Variants in WDTC1 observed in about 807,000 individuals in gnomAD.
The protein encoded by WDTC1 is WD and tetratricopeptide repeats 1, also known as WD and tetratricopeptide repeats protein 1.
In WDTC1, 12 loss-of-function variants were observed where a neutral mutation model predicts 76.0. The observed-to-expected ratio is 0.16, with a 90% CI of 0.10 to 0.26. The LOEUF (loss-of-function observed/expected upper bound fraction) is 0.26, where lower values mean the gene tolerates loss of function less well. Ranked by LOEUF, WDTC1 falls within the 10% of genes least tolerant of loss-of-function variation. The probability of loss-of-function intolerance (pLI) is 1.00; values close to 1 mark genes in which losing one functional copy is unlikely to be tolerated. For synonymous variants in WDTC1, 326 were observed against 350.8 expected (o/e 0.93, Z 0.79); for missense variants, 511 against 908.8 (o/e 0.56, Z 5.63).
At chr1:27,263,334 C>A in intron 3 of WDTC1, 99 bp downstream of exon 3, 1 of 1,144,144 alleles carries the variant, frequency 8.7e-7, no homozygotes, top group South Asian at 1.5e-5. Context: ...ACAAGTGTTT[C>A]TCTGCAGGCC....
rs751227432 is a variant in WDTC1, at chr1:27,308,406, C to G, written c.*2023C>G. On this transcript the variant is annotated 3_prime_UTR_variant, in exon 16 of 16. Coordinates refer to ENST00000319394, the MANE Select transcript of WDTC1 (RefSeq NM_001276252.2). ...CGTGAGCAGCGGCCACCCAGCCCAG[C>G]AGGGCTGAGTGCAGAGCCCAGCTCT... 1 of 152,184 alleles carries G rather than the reference C, an allele frequency of 6.6e-6. No individual in the cohort carries two copies. The highest frequency in any genetic ancestry group is 1.5e-5 in the Non-Finnish European group (1 of 68,062). 9.4% of individuals were successfully genotyped at this position (152,184 alleles called of 1,614,324 possible). A position where few individuals can be genotyped will look rare whatever the true frequency, so the allele number is the denominator to read the frequency against.
intron 11 of WDTC1, among the ~76,000 whole-genome samples, chr1:27,297,725 T>C (rs1443552245): frequency 6.6e-6 from 1 of 152,168 alleles, no homozygotes; most frequent in Non-Finnish European, 1.5e-5. Flanking sequence ...CTGAGAGTAT[T>C]TGGAATGGTA....
At chr1:27,277,279 A>G (rs1282943802) in intron 3 of WDTC1, among the ~76,000 whole-genome samples, 1 of 151,862 alleles carries the variant, frequency 6.6e-6, no homozygotes. Context: ...GAATATATAC[A>G]CCTGTGTTTT....
At chr1:27,278,874 C>A (rs2147955808) in intron 3 of WDTC1, among the ~76,000 whole-genome samples, 1 of 152,278 alleles carries the variant, frequency 6.6e-6, no homozygotes, top group South Asian at 2.1e-4. Flanking sequence ...GAGGCCAAGG[C>A]CAACATGGCA....
At chr1:27,253,493 TTTC>T (rs974636792) in intron 1 of WDTC1, among the ~76,000 whole-genome samples, 12 of 142,082 alleles carry the variant, frequency 8.4e-5, no homozygotes, top group Middle Eastern at 3.4e-3. Flanking sequence ...CTCTTTCTTC[TTTC>T]TTCTTCTTTC....
Position 27,306,520 on chromosome 1 carries a change from C to A in WDTC1, c.*137C>A. 1.8e-6 allele frequency: 2 copies of A among 1,135,012 alleles called. No individual in the cohort carries two copies. Among genetic ancestry groups the A allele is most frequent in the Non-Finnish European group, 2.4e-6 (2 of 822,722 alleles). 70.3% of individuals were successfully genotyped at this position (1,135,012 alleles called of 1,614,324 possible). On this transcript the variant is annotated 3_prime_UTR_variant, in exon 16 of 16. Transcript: ENST00000319394. This position sits in a 1 kb window ranked among gnomAD's most constrained non-coding sequence, Gnocchi z 5.0. ...TCCCCTGTTTTGTTTGTTAGTTTGG[C>A]GTTAGGGGTGGAGGTTGCTACAACT...
intron 3 of WDTC1, among the ~76,000 whole-genome samples, chr1:27,281,097 G>C (rs1183984128): frequency 6.6e-6 from 1 of 151,824 alleles, no homozygotes; most frequent in African/African-American, 2.4e-5. Flanking sequence ...GAAGATCCAA[G>C]GAGTTTTTTA....
Position 27,234,635 on chromosome 1 carries a change from C to A in WDTC1, c.-416C>A. ...TGCGTGGCGCAGGCGCGTTGCTGGG[C>A]TTCTCCTGGGTCCCCAGACAGCTGG... On this transcript the variant is annotated 5_prime_UTR_variant, in exon 1 of 16. Coordinates refer to ENST00000319394, the MANE Select transcript of WDTC1 (RefSeq NM_001276252.2). 2.5e-6 allele frequency: 1 copy of A among 394,590 alleles called. No individual in the cohort carries two copies. Among genetic ancestry groups the A allele is most frequent in the East Asian group, 3.6e-5 (1 of 27,882 alleles). 24.4% of individuals were successfully genotyped at this position (394,590 alleles called of 1,614,324 possible).
At chr1:27,297,385 GT>G (rs2147986620) in intron 11 of WDTC1, among the ~76,000 whole-genome samples, 1 of 152,346 alleles carries the variant, frequency 6.6e-6, no homozygotes, top group East Asian at 1.9e-4. Flanking sequence ...GTTGGTACCA[GT>G]AACTGGGGTC....
At chr1:27,247,214 G>A (rs1166257386) in intron 1 of WDTC1, among the ~76,000 whole-genome samples, 4 of 151,714 alleles carry the variant, frequency 2.6e-5, no homozygotes, top group African/African-American at 9.7e-5. Context: ...CTGCCACCAC[G>A]CCTGGCTAAT....
At chr1:27,244,231 G>A (rs957090679) in intron 1 of WDTC1, among the ~76,000 whole-genome samples, 1 of 152,106 alleles carries the variant, frequency 6.6e-6, no homozygotes, top group Non-Finnish European at 1.5e-5. Context: ...TAAAAGAAAT[G>A]TCAAGTCAGA....
At position 27,306,373 on chromosome 1, in the gene WDTC1, G is replaced by T; in HGVS notation, c.2024G>T (p.Arg675Leu). The part of the protein sequence containing the change: ...EDSSEGQVQC[R>L]PS Reference sequence around the variant, plus strand: ...AGCTCTGAGGGCCAGGTGCAGTGCCGGCCCAGCTAGACCCTCCAGCCCTGG... The same window carrying T: ...AGCTCTGAGGGCCAGGTGCAGTGCCTGCCCAGCTAGACCCTCCAGCCCTGG... The change falls in exon 16 of 16, where the codon CGG (arginine) becomes CTG (leucine). Residue 675 changes from arginine (R) to leucine (L), a missense_variant. By Grantham distance (102) the Arg-to-Leu change is moderately radical. Transcript: ENST00000319394. This position sits in a 1 kb window ranked among gnomAD's most constrained non-coding sequence, Gnocchi z 5.0. The T allele has an allele frequency of 1.2e-6, 2 of 1,611,860 alleles. No homozygotes were observed. The highest frequency in any genetic ancestry group is 1.7e-6 in the Non-Finnish European group (2 of 1,179,898).
intron 5 of WDTC1, among the ~76,000 whole-genome samples, chr1:27,286,837 T>C (rs943329768): frequency 1.3e-5 from 2 of 152,100 alleles, no homozygotes; most frequent in African/African-American, 4.8e-5. Context: ...TATTACCAGA[T>C]TGTTTTTCAG....
intron 1 of WDTC1, chr1:27,255,394 G>A (rs990682842): frequency 3.3e-5 from 5 of 152,138 alleles, no homozygotes; most frequent in African/African-American, 1.2e-4. Flanking sequence ...ATTGTTGCAT[G>A]TCTATGAATA....
rs981994268 is a variant in WDTC1, at chr1:27,305,901, A to G, written c.1837-285A>G. ...CCAGGTATCCCAGTATGTGTGTCCA[A>G]CATATCCTGGTGTGTACTGTCCCCC... is the stretch of plus-strand genomic sequence containing the variant. On this transcript the variant is annotated intron_variant, in intron 15 of 15. Transcript: ENST00000319394. This position sits in a 1 kb window ranked among gnomAD's most constrained non-coding sequence, Gnocchi z 4.6. Among the ~76,000 whole-genome samples, 4 of 152,062 alleles carry G rather than the reference A, an allele frequency of 2.6e-5. No individual in the cohort carries two copies. The highest frequency in any genetic ancestry group is 2.0e-4 in the Admixed American group (3 of 15,278).
chr1:27,298,128 G>C lies in WDTC1; in HGVS notation c.1232+17G>C. The C allele has an allele frequency of 6.3e-7, 1 of 1,576,558 alleles. No individual in the cohort carries two copies. ...GCGCAAGTGGTGAGTGGCCACTGCA[G>C]AGGGGATCTGGGTCAGGATGAGGGA... On this transcript the variant is annotated intron_variant, in intron 12 of 15. Transcript: ENST00000319394.
Position 27,274,398 on chromosome 1 carries a change from A to C in WDTC1, c.133-7841A>C, listed in dbSNP as rs2012963728. ...ACCCCATACTTTGGCAGTCAGGAGAATCATTTGAGGCCAGGAGTTTGAGAC... is the reference window on the plus strand; with the variant it reads ...ACCCCATACTTTGGCAGTCAGGAGACTCATTTGAGGCCAGGAGTTTGAGAC... On this transcript the variant is annotated intron_variant, in intron 3 of 15. Coordinates refer to ENST00000319394, the MANE Select transcript of WDTC1 (RefSeq NM_001276252.2). The surrounding 1 kb of genome is among the most constrained non-coding windows in gnomAD (Gnocchi z 4.2). Among the ~76,000 whole-genome samples the C allele has an allele frequency of 6.6e-6, 1 of 150,754 alleles. No homozygotes were observed. Among genetic ancestry groups the C allele is most frequent in the Admixed American group, 6.6e-5 (1 of 15,138 alleles).
At chr1:27,283,763 G>A (rs1051134202) in intron 5 of WDTC1, among the ~76,000 whole-genome samples, 3 of 152,168 alleles carry the variant, frequency 2.0e-5, no homozygotes, top group Non-Finnish European at 2.9e-5. Context: ...TGCTTCTTGG[G>A]CATTGTGTGA....
At chr1:27,286,246 G>A (rs2013332290) in intron 5 of WDTC1, among the ~76,000 whole-genome samples, 1 of 150,256 alleles carries the variant, frequency 6.7e-6, no homozygotes, top group South Asian at 2.1e-4. Context: ...CAGGTAATCC[G>A]CCTACCTCGG....
Sources: gnomAD v4.1 joint callset for allele counts (sites outside exome capture counted in the v4.1 genomes callset) on GRCh38, gnomAD v4.1.1 for gene constraint, Gnocchi (gnomAD v3.1) non-coding constraint, MANE v1.5 for transcripts, NCBI Gene and HGNC (gene_info 2026-07-23, HGNC 2026-07-21) for gene names.